DOCK10: variants seen among roughly 807,000 people sequenced by gnomAD.
DOCK10 encodes the protein dedicator of cytokinesis protein 10.
DOCK10 carries 145 observed loss-of-function variants against 280.1 expected under a neutral mutation model. The ratio of observed to expected loss-of-function variants is 0.52; its 90% confidence interval spans 0.45 to 0.59. DOCK10 has a LOEUF of 0.59. DOCK10 is among the 20% of genes least tolerant of loss of function. The pLI, the probability that DOCK10 is intolerant of heterozygous loss-of-function variation, is 0.00. For synonymous variants in DOCK10, 915 were observed against 942.2 expected (o/e 0.97, Z 0.53); for missense variants, 2,368 against 2,651.7 (o/e 0.89, Z 2.35).
intron 1 of DOCK10, among the ~76,000 whole-genome samples, chr2:225,022,964 A>G (rs932178713): frequency 1.3e-5 from 2 of 152,228 alleles, no homozygotes; most frequent in Non-Finnish European, 2.9e-5. Context: ...AATTACCAAC[A>G]TAGTTTGGAG....
intron 10 of DOCK10, 53 bp from the exon 11 acceptor site, chr2:224,874,204 A>G: frequency 6.3e-7 from 1 of 1,576,638 alleles, no homozygotes. Flanking sequence ...AAGAAATTCT[A>G]AATTATAATC....
At chr2:225,035,795 C>T (rs1364754998) in intron 1 of DOCK10, among the ~76,000 whole-genome samples, 4 of 151,032 alleles carry the variant, frequency 2.6e-5, no homozygotes, top group African/African-American at 4.9e-5. Context: ...TGGTTGGGTT[C>T]CTGGTGAAAG....
intron 44 of DOCK10, among the ~76,000 whole-genome samples, chr2:224,795,693 G>C (rs889236503): frequency 2.0e-5 from 3 of 152,192 alleles, no homozygotes; most frequent in African/African-American, 7.2e-5. Context: ...AGGCAAGATC[G>C]AGGCAGTAGA....
Position 224,797,124 on chromosome 2 carries a change from C to T in DOCK10, c.4667G>A (p.Gly1556Glu), listed in dbSNP as rs781179172. ...GAATGATCCACAGAGGTCAGCAGGC[C>T]CTTGAAAGAACGCTGAAGGAAACTG... ...VCKFPSAFFQGPADLCGSFCY... is the reference protein window; with the variant it reads ...VCKFPSAFFQEPADLCGSFCY... The change falls in exon 43 of 56, where the codon GGG becomes GAG. Residue 1556 changes from glycine (G) to glutamate (E), a missense_variant. Physicochemically the swap from Gly to Glu is moderately conservative, Grantham distance 98. Transcript: ENST00000258390. 1.9e-6 allele frequency: 3 copies of T among 1,605,628 alleles called. No homozygotes were observed. The highest frequency in any genetic ancestry group is 2.2e-5 in the South Asian group (2 of 89,044).
chr2:224,977,792 C>T (rs1358234514), intron 1 of DOCK10, among the ~76,000 whole-genome samples: 1 of 152,138 alleles, frequency 6.6e-6, no homozygotes, highest in Admixed American at 6.5e-5. Flanking sequence ...CAATTTCTCT[C>T]CACTTTGGAC....
At chr2:224,783,651 C>A (rs1691518371) in intron 50 of DOCK10, among the ~76,000 whole-genome samples, 3 of 152,132 alleles carry the variant, frequency 2.0e-5, no homozygotes, top group Admixed American at 1.3e-4. Flanking sequence ...GCACACTTTA[C>A]TGAGGAGTCT....
chr2:224,860,160 C>T (rs1212521475), intron 14 of DOCK10, among the ~76,000 whole-genome samples: 1 of 152,188 alleles, frequency 6.6e-6, no homozygotes, highest in Non-Finnish European at 1.5e-5. Context: ...GTCAGTAATA[C>T]TGTCAGCCTC....
intron 24 of DOCK10, 77 bp from the exon 25 acceptor site, chr2:224,837,908 T>A (rs1574913058): frequency 9.0e-7 from 1 of 1,114,256 alleles, no homozygotes; most frequent in Non-Finnish European, 1.4e-6. Context: ...TTACAGTGCT[T>A]TGTAAATTGG....
intron 1 of DOCK10, among the ~76,000 whole-genome samples, chr2:224,948,362 T>C (rs961597537): frequency 1.3e-5 from 2 of 152,360 alleles, no homozygotes; most frequent in Non-Finnish European, 2.9e-5. Context: ...GTAATTGGCT[T>C]AGTTAGGCAA....
intron 1 of DOCK10, among the ~76,000 whole-genome samples, chr2:225,000,609 G>C (rs1283322646): frequency 6.6e-6 from 1 of 152,204 alleles, no homozygotes; most frequent in Non-Finnish European, 1.5e-5. Flanking sequence ...GGGATTGACA[G>C]TAGTGACTCT....
chr2:224,886,391 C>G lies in DOCK10; in HGVS notation c.489+68G>C. On this transcript the variant is annotated intron_variant, in intron 5 of 55. Transcript: ENST00000258390. ...ACAACAAACCGGTCAGAACTCGAAACTTTCAGTGCAAGACAGAAACTAATT... is the reference window on the plus strand; with the variant it reads ...ACAACAAACCGGTCAGAACTCGAAAGTTTCAGTGCAAGACAGAAACTAATT... 6 of 1,526,998 alleles carry G rather than the reference C, an allele frequency of 3.9e-6. No homozygotes were observed. The South Asian group carries it at 6.9e-5, about 17-fold the overall frequency. The allele number at this position is 1,526,998 out of a possible 1,614,324, so 94.6% of individuals were successfully genotyped here. A position where few individuals can be genotyped will look rare whatever the true frequency, so the allele number is the denominator to read the frequency against.
At chr2:224,839,827 G>A (rs1311187148) in intron 24 of DOCK10, 127 bp downstream of exon 24, 5 of 448,098 alleles carry the variant, frequency 1.1e-5, no homozygotes, top group African/African-American at 2.0e-5. Flanking sequence ...AGTGGAAAAT[G>A]CTTAAATTTG....
At chr2:225,030,320 G>A (rs376025732) in intron 1 of DOCK10, among the ~76,000 whole-genome samples, 1 of 152,136 alleles carries the variant, frequency 6.6e-6, no homozygotes, top group African/African-American at 2.4e-5. Flanking sequence ...TTTTAAGGGC[G>A]AAAATAGCAT....
intron 4 of DOCK10, among the ~76,000 whole-genome samples, chr2:224,895,816 TGTGTGTGTGTGTGTGC>T (rs1325569708): frequency 4.0e-4 from 40 of 99,908 alleles, no homozygotes; most frequent in African/African-American, 1.9e-3. Context: ...CTTTTGGTTG[TGTGTGTGTGTGTGTGC>T]GTGTGTGTGT....
At chr2:224,904,780 G>C (rs1700493931) in intron 3 of DOCK10, among the ~76,000 whole-genome samples, 1 of 152,114 alleles carries the variant, frequency 6.6e-6, no homozygotes, top group Non-Finnish European at 1.5e-5. Context: ...TTGGTCAAAA[G>C]AATGGTTTCT....
At chr2:224,869,318 T>A (rs1478811129) in intron 11 of DOCK10, among the ~76,000 whole-genome samples, 1 of 152,228 alleles carries the variant, frequency 6.6e-6, no homozygotes, top group Non-Finnish European at 1.5e-5. Flanking sequence ...AACATTGTTT[T>A]CTCATCATGA....
chr2:224,915,849 A>C (rs1701280569), intron 3 of DOCK10, among the ~76,000 whole-genome samples: 1 of 152,268 alleles, frequency 6.6e-6, no homozygotes, highest in African/African-American at 2.4e-5. Context: ...TCTGGTTAGA[A>C]GAGAAAGAAG....
At chr2:224,949,952 C>T (rs1007135591) in intron 1 of DOCK10, among the ~76,000 whole-genome samples, 1 of 152,080 alleles carries the variant, frequency 6.6e-6, no homozygotes, top group African/African-American at 2.4e-5. Context: ...CTGTCTACTG[C>T]CCAGGGTTAA....
chr2:224,792,835 T>A (rs987096312), intron 47 of DOCK10, 139 bp downstream of exon 47: 21 of 594,392 alleles, frequency 3.5e-5, no homozygotes, highest in Non-Finnish European at 6.0e-5. Context: ...GGAGTTTAAG[T>A]TTTTTGCAGA....
Sources: allele counts gnomAD v4.1 joint callset (sites outside exome capture counted in the v4.1 genomes callset), GRCh38; gene constraint gnomAD v4.1.1; transcripts MANE v1.5; gene names NCBI Gene and HGNC (gene_info 2026-07-23, HGNC 2026-07-21).